Variants in CHD9 observed in about 807,000 individuals in gnomAD.
CHD9 encodes the protein ATP-dependent chromatin remodeler CHD9.
A neutral mutation model predicts 316.1 loss-of-function variants in CHD9; 77 were observed. The observed-to-expected ratio is 0.24, with a 90% CI of 0.20 to 0.29. The LOEUF is 0.29. Among genes scored for constraint, CHD9 ranks in the 10% least tolerant of loss-of-function variants. The pLI, the probability that CHD9 is intolerant of heterozygous loss-of-function variation, is 1.00. For missense variants in CHD9, 2,763 were observed against 3,438.1 expected, an observed-to-expected ratio of 0.80 and a Z score of 4.91; for synonymous variants, 1,129 against 1,158.3, an observed-to-expected ratio of 0.97 and a Z score of 0.51.
intron 19 of CHD9, among the ~76,000 whole-genome samples, chr16:53,256,242 A>T (rs1203862208): frequency 1.3e-5 from 2 of 152,058 alleles, no homozygotes; most frequent in South Asian, 4.1e-4. Context: ...GCGGGTGGAT[A>T]CGTGAGGTCA....
intron 1 of CHD9, among the ~76,000 whole-genome samples, chr16:53,144,060 T>C (rs1408470949): frequency 6.6e-6 from 1 of 152,152 alleles, no homozygotes; most frequent in Non-Finnish European, 1.5e-5. Flanking sequence ...TTAAAAAAAT[T>C]TTAATTAAAT....
intron 2 of CHD9, among the ~76,000 whole-genome samples, chr16:53,160,822 G>A (rs188817309): frequency 4.6e-5 from 7 of 152,278 alleles, no homozygotes; most frequent in African/African-American, 7.2e-5. Context: ...CAGGAGAATC[G>A]CTTGAACCCG....
intron 34 of CHD9, among the ~76,000 whole-genome samples, chr16:53,309,630 T>G (rs1407337112): frequency 6.6e-6 from 1 of 152,182 alleles, no homozygotes; most frequent in African/African-American, 2.4e-5. Context: ...TTTTAGTTTT[T>G]GTTTTGTTTT....
At chr16:53,270,752 G>A (rs58129395) in intron 22 of CHD9, among the ~76,000 whole-genome samples, 44,756 of 151,926 alleles carry the variant, frequency 0.29, 6,760 homozygotes, top group Middle Eastern at 0.36. Flanking sequence ...AACCTGAGAG[G>A]GCTGAATCTT....
At position 53,300,973 on chromosome 16, in the gene CHD9, C is replaced by T. The variant is rs553723105; in HGVS notation, c.5714-2747C>T. ...CCATAATCCCAGCTATTCAGAAGGTCGAGGCACGAGAATCACTTGAGCCTG... is the reference window on the plus strand; with the variant it reads ...CCATAATCCCAGCTATTCAGAAGGTTGAGGCACGAGAATCACTTGAGCCTG... On this transcript the variant is annotated intron_variant, in intron 30 of 38. Coordinates refer to ENST00000447540, the MANE Select transcript of CHD9 (RefSeq NM_001308319.2). 7.2e-5 allele frequency among the ~76,000 whole-genome samples: 11 copies of T among 152,036 alleles called. 2 individuals are homozygous for T. The highest frequency in any genetic ancestry group is 2.2e-4 in the African/African-American group (9 of 41,466).
intron 1 of CHD9, among the ~76,000 whole-genome samples, chr16:53,087,945 C>T (rs1013868177): frequency 1.1e-4 from 16 of 144,618 alleles, no homozygotes; most frequent in African/African-American, 4.4e-4. Context: ...AAGAGTCTGT[C>T]TCAAAAAAAA....
At chr16:53,087,390 C>T (rs1299488837) in intron 1 of CHD9, among the ~76,000 whole-genome samples, 1 of 152,188 alleles carries the variant, frequency 6.6e-6, no homozygotes, top group Non-Finnish European at 1.5e-5. Context: ...CTACTGCTGA[C>T]TTGAAGTCTG....
Position 53,310,885 on chromosome 16 carries a change from A to C in CHD9, c.7222+2031A>C, listed in dbSNP as rs558235370. The C allele has an allele frequency of 2.0e-5, 3 of 148,374 alleles. No individual in the cohort carries two copies. The East Asian group carries it at 5.9e-4, about 29-fold the overall frequency. 9.2% of individuals were successfully genotyped at this position (148,374 alleles called of 1,614,324 possible). On this transcript the variant is annotated intron_variant, in intron 34 of 38. Coordinates refer to ENST00000447540, the MANE Select transcript of CHD9 (RefSeq NM_001308319.2). ...TAATAATAATAATAATAATAATAAT[A>C]ATAATATCAATAGTAATTGTGCCAA...
chr16:53,261,245 A>T (rs2152989146), intron 19 of CHD9, among the ~76,000 whole-genome samples: 1 of 152,114 alleles, frequency 6.6e-6, no homozygotes, highest in South Asian at 2.1e-4. Context: ...GCCAAACCTC[A>T]AAAGAATACT....
intron 16 of CHD9, among the ~76,000 whole-genome samples, chr16:53,248,473 A>AT (rs1004543695): frequency 7.1e-6 from 1 of 140,850 alleles, no homozygotes; most frequent in African/African-American, 2.7e-5. Flanking sequence ...TCAGCTATAG[A>AT]TTTTTTATTT....
At chr16:53,252,833 C>G (rs1033693459) in intron 17 of CHD9, among the ~76,000 whole-genome samples, 1 of 151,998 alleles carries the variant, frequency 6.6e-6, no homozygotes, top group Admixed American at 6.6e-5. Context: ...AAATGCAAAT[C>G]AAAACCACAT....
chr16:53,164,006 C>T (rs2042102094), intron 2 of CHD9, among the ~76,000 whole-genome samples: 1 of 152,170 alleles, frequency 6.6e-6, no homozygotes, highest in Non-Finnish European at 1.5e-5. Context: ...CCAAGTCACA[C>T]AGCCAGTAAA....
chr16:53,093,120 A>T (rs1418518989), intron 1 of CHD9, among the ~76,000 whole-genome samples: 2 of 152,234 alleles, frequency 1.3e-5, no homozygotes, highest in Non-Finnish European at 2.9e-5. Context: ...AGTGAGAAAG[A>T]TATCAAAATT....
intron 1 of CHD9, among the ~76,000 whole-genome samples, chr16:53,060,920 C>CTTTTT (rs549828992): frequency 1.3e-4 from 13 of 99,404 alleles, no homozygotes; most frequent in African/African-American, 4.4e-4. Context: ...GATGTTGTCT[C>CTTTTT]TTTTTTTTTT....
chr16:53,056,681 TGTGAGCTGAG>T (rs1471357876), intron 1 of CHD9, among the ~76,000 whole-genome samples: 1 of 152,258 alleles, frequency 6.6e-6, no homozygotes, highest in Non-Finnish European at 1.5e-5. Flanking sequence ...CTATCACTGC[TGTGAGCTGAG>T]CACTTCCACT....
chr16:53,104,332 C>T (rs1222370942), intron 1 of CHD9, among the ~76,000 whole-genome samples: 1 of 152,196 alleles, frequency 6.6e-6, no homozygotes, highest in Admixed American at 6.5e-5. Context: ...CCACTCTGCC[C>T]TTGGCTCTCA....
rs761680191 is a variant in CHD9, at chr16:53,273,796, G to T, written c.4877+11G>T. Reference sequence around the variant, plus strand: ...ACACCACTGTAATAAGTAGGTATAGGGTATTTTAAACACAACTCTTTAAAT... The same window carrying T: ...ACACCACTGTAATAAGTAGGTATAGTGTATTTTAAACACAACTCTTTAAAT... On this transcript the variant is annotated intron_variant, in intron 23 of 38. Coordinates refer to ENST00000447540, the MANE Select transcript of CHD9 (RefSeq NM_001308319.2). 26 of 1,589,882 alleles carry T rather than the reference G, an allele frequency of 1.6e-5. No individual in the cohort carries two copies. The Middle Eastern group carries it at 8.4e-4, about 51-fold the overall frequency.
chr16:53,321,381 T>A, intron 37 of CHD9, 145 bp from the exon 38 acceptor site: 1 of 1,377,084 alleles, frequency 7.3e-7, no homozygotes, highest in Non-Finnish European at 9.4e-7. Flanking sequence ...ACGGTGGGCC[T>A]TTTTAATATA....
chr16:53,227,629 A>G, intron 7 of CHD9, 26 bp downstream of exon 7: 1 of 729,260 alleles, frequency 1.4e-6, no homozygotes, highest in Non-Finnish European at 2.0e-6. Flanking sequence ...AGAAAAATAA[A>G]AGAAAGATGT....
Sources: allele counts gnomAD v4.1 joint callset (sites outside exome capture counted in the v4.1 genomes callset), GRCh38; gene constraint gnomAD v4.1.1; transcripts MANE v1.5; gene names NCBI Gene and HGNC (gene_info 2026-07-23, HGNC 2026-07-21).